The following XKRX variants were observed in gnomAD, a reference collection of about 807,000 sequenced individuals.
The protein encoded by XKRX is XK-related protein 2.
Under a neutral mutation model 22.4 loss-of-function variants are expected in XKRX, and 11 were observed. That is an observed-to-expected ratio of 0.49 (90% confidence interval 0.31 to 0.81). XKRX has a LOEUF of 0.81. Ranked by LOEUF, XKRX falls within the 40% of genes least tolerant of loss-of-function variation. The pLI, the probability that XKRX is intolerant of heterozygous loss-of-function variation, is 0.05. For synonymous variants in XKRX, 114 were observed against 132.2 expected, an observed-to-expected ratio of 0.86 and a Z score of 0.94; for missense variants, 320 against 336.5, an observed-to-expected ratio of 0.95 and a Z score of 0.38.
At chrX:100,911,755 G>A (rs565010546), downstream of XKRX, among the ~76,000 whole-genome samples, 8 of 112,052 alleles carry the variant, frequency 7.1e-5, no homozygotes, top group African/African-American at 2.3e-4. Context: ...TGTGTATCTG[G>A]AGGATTTTTA....
chrX:100,907,090 G>A, the XKRX span, among the ~76,000 whole-genome samples: 3 of 111,915 alleles, frequency 2.7e-5, no homozygotes, highest in Admixed American at 2.9e-4. Flanking sequence ...TTAAGTAGGG[G>A]TAGTCATTAT....
chrX:100,916,949 T>A (rs1471611994), intron 2 of XKRX, among the ~76,000 whole-genome samples: 1 of 111,358 alleles, frequency 9.0e-6, no homozygotes, highest in African/African-American at 3.3e-5. Flanking sequence ...TGAAACCCCA[T>A]CTCCGCTAAA....
chrX:100,947,248 C>T, the XKRX span, among the ~76,000 whole-genome samples: 1 of 111,773 alleles, frequency 8.9e-6, no homozygotes, highest in Admixed American at 9.5e-5. Flanking sequence ...ATATTTACAT[C>T]TTACTTACCC....
chrX:100,905,567 C>T, the XKRX span, among the ~76,000 whole-genome samples: 6 of 112,365 alleles, frequency 5.3e-5, no homozygotes, highest in Admixed American at 2.8e-4. Flanking sequence ...CTCCCACCTT[C>T]CCAAACAGAA....
At chrX:100,898,790 T>C in the XKRX span, among the ~76,000 whole-genome samples, 1 of 109,326 alleles carries the variant, frequency 9.1e-6, no homozygotes, top group Non-Finnish European at 1.9e-5. Flanking sequence ...AGAGCCAATC[T>C]ACAAGGCTTG....
chrX:100,925,994 A>G (rs1464151573), intron 1 of XKRX, among the ~76,000 whole-genome samples: 3 of 112,039 alleles, frequency 2.7e-5, no homozygotes, highest in African/African-American at 6.5e-5. Flanking sequence ...TCCAACATGG[A>G]AACAATGCGC....
rs1362784787 is a variant in XKRX, at chrX:100,928,855, CTAGCTATTGCTAGGCTG to C, written c.-568_-552del. 2 of 752,597 alleles carry C rather than the reference CTAGCTATTGCTAGGCTG, an allele frequency of 2.7e-6. No individual in the cohort carries two copies. Among genetic ancestry groups the C allele is most frequent in the East Asian group, 3.0e-4 (2 of 6,575 alleles). 62.0% of individuals were successfully genotyped at this position (752,597 alleles called of 1,213,427 possible). A position where few individuals can be genotyped will look rare whatever the true frequency, so the allele number is the denominator to read the frequency against. ...GGATTCAGTTCAGTGCCTAGGTATC[CTAGCTATTGCTAGGCTG>C]TAGCTATCAGCTGGCCCGCTCACCT... On this transcript the variant is annotated 5_prime_UTR_variant, in exon 1 of 3. Transcript: ENST00000372956.
intron 1 of XKRX, among the ~76,000 whole-genome samples, chrX:100,925,410 G>A (rs1274790670): frequency 8.9e-6 from 1 of 111,973 alleles, no homozygotes; most frequent in East Asian, 2.8e-4. Flanking sequence ...GAAAATAAGC[G>A]AATCCAGAGT....
chrX:100,939,420 G>C, the XKRX span, among the ~76,000 whole-genome samples: 1 of 112,146 alleles, frequency 8.9e-6, no homozygotes, highest in African/African-American at 3.2e-5. Flanking sequence ...TGGCTCAGAA[G>C]TGTGTAGGTA....
At chrX:100,941,658 C>T in the XKRX span, among the ~76,000 whole-genome samples, 2 of 112,420 alleles carry the variant, frequency 1.8e-5, no homozygotes, top group Non-Finnish European at 3.8e-5. Context: ...AAGATGTCCA[C>T]ATGACAGAAA....
At chrX:100,924,148 G>T (rs1332152043) in intron 1 of XKRX, among the ~76,000 whole-genome samples, 2 of 108,676 alleles carry the variant, frequency 1.8e-5, no homozygotes, top group Non-Finnish European at 3.8e-5. Flanking sequence ...CACTGCGCCT[G>T]GCCAGATTCT....
downstream of XKRX, among the ~76,000 whole-genome samples, chrX:100,908,755 T>A (rs902698865): frequency 8.9e-6 from 1 of 111,785 alleles, no homozygotes; most frequent in South Asian, 3.7e-4. Context: ...TAAAGCCCCA[T>A]GGGCTTAGAT....
upstream of XKRX, among the ~76,000 whole-genome samples, chrX:100,933,425 T>C (rs1410868459): frequency 1.0e-5 from 1 of 98,659 alleles, no homozygotes; most frequent in East Asian, 3.0e-4. Context: ...GAGGTTGCAG[T>C]GAACCGAGAT....
At chrX:100,909,627 G>A (rs1244142582), downstream of XKRX, among the ~76,000 whole-genome samples, 1 of 112,002 alleles carries the variant, frequency 8.9e-6, no homozygotes, top group African/African-American at 3.2e-5. Context: ...ATATAGGCCT[G>A]GCACAGTGGC....
the XKRX span, among the ~76,000 whole-genome samples, chrX:100,904,666 C>T: frequency 8.9e-6 from 1 of 112,105 alleles, no homozygotes; most frequent in African/African-American, 3.2e-5. Flanking sequence ...TTTAATCCTA[C>T]TCTCCTGGCT....
chrX:100,957,638 GTTTATTTTTC>G, the XKRX span: 1 of 468,760 alleles, frequency 2.1e-6, no homozygotes, highest in Non-Finnish European at 3.6e-6. Context: ...GAGAAGACAT[GTTTATTTTTC>G]CTTTCTGACA....
At chrX:100,957,087 C>T in the XKRX span, 1 of 1,158,017 alleles carries the variant, frequency 8.6e-7, no homozygotes, top group Non-Finnish European at 1.2e-6. Context: ...GGTGTTTTAC[C>T]CTGTGGTGTT....
the XKRX span, among the ~76,000 whole-genome samples, chrX:100,949,109 A>G: frequency 8.9e-6 from 1 of 111,997 alleles, no homozygotes; most frequent in Non-Finnish European, 1.9e-5. Context: ...AGAACTTACA[A>G]TCTCACCCAG....
the XKRX span, among the ~76,000 whole-genome samples, chrX:100,903,088 C>T: frequency 2.8e-5 from 3 of 109,027 alleles, no homozygotes; most frequent in African/African-American, 1.0e-4. Flanking sequence ...AAACCTACAA[C>T]TAACATCATA....
Sources: allele counts gnomAD v4.1 joint callset (sites outside exome capture counted in the v4.1 genomes callset), GRCh38; gene constraint gnomAD v4.1.1; transcripts MANE v1.5; gene names NCBI Gene and HGNC (gene_info 2026-07-23, HGNC 2026-07-21).